BBS2: variants seen among roughly 807,000 people sequenced by gnomAD.
BBS2 encodes the protein Bardet-Biedl syndrome 2, also known as BBSome complex member BBS2.
In BBS2, 62 loss-of-function variants were observed where a neutral mutation model predicts 83.0. The observed-to-expected ratio is 0.75, with a 90% CI of 0.61 to 0.92. The LOEUF is 0.92. BBS2 is among the 40% of genes least tolerant of loss of function. The pLI is 0.00. For synonymous variants in BBS2, 303 were observed against 326.1 expected, an observed-to-expected ratio of 0.93 and a Z score of 0.76; for missense variants, 784 against 901.0, an observed-to-expected ratio of 0.87 and a Z score of 1.66.
At chr16:56,508,886 T>C (rs1187391507) in intron 5 of BBS2, among the ~76,000 whole-genome samples, 1 of 152,050 alleles carries the variant, frequency 6.6e-6, no homozygotes, top group Non-Finnish European at 1.5e-5. Flanking sequence ...TGGCCTCAAG[T>C]GATCCTCCCA....
At chr16:56,498,001 G>A in intron 13 of BBS2, 121 bp from the exon 14 acceptor site, 1 of 1,046,072 alleles carries the variant, frequency 9.6e-7, no homozygotes, top group Non-Finnish European at 1.4e-6. Context: ...TATATGCAGT[G>A]TTGAAAAAGG....
intron 17 of BBS2, chr16:56,470,812 G>T (rs13337155): frequency 3.2e-6 from 5 of 1,545,774 alleles, no homozygotes; most frequent in Admixed American, 2.1e-5. Flanking sequence ...GTTAGGATTT[G>T]TCCTTACTTA....
At chr16:56,494,568 A>G (rs1964058399) in intron 15 of BBS2, among the ~76,000 whole-genome samples, 1 of 152,176 alleles carries the variant, frequency 6.6e-6, no homozygotes, top group Non-Finnish European at 1.5e-5. Context: ...GAAACATTTC[A>G]TCATACAAGA....
rs557127115 is a variant in BBS2, at chr16:56,479,284, G to A, written c.*5477C>T. On this transcript the variant is annotated intron_variant, in intron 17 of 17. Transcript: ENST00000682047. ...GGTCAGGAGTTGGGAGACCAGCCTG[G>A]CCAACATGGTGAAACCCTATCTCTG... 3.3e-5 allele frequency among the ~76,000 whole-genome samples: 5 copies of A among 152,284 alleles called. No homozygotes were observed. The East Asian group carries it at 9.7e-4, about 29-fold the overall frequency.
intron 15 of BBS2, among the ~76,000 whole-genome samples, chr16:56,486,393 A>G (rs1963775466): frequency 6.6e-6 from 1 of 152,222 alleles, no homozygotes; most frequent in Non-Finnish European, 1.5e-5. Flanking sequence ...TCTATAAAAA[A>G]CTTGTATGCA....
At chr16:56,471,711 A>G (rs1413791876) in intron 17 of BBS2, among the ~76,000 whole-genome samples, 2 of 152,248 alleles carry the variant, frequency 1.3e-5, no homozygotes, top group Non-Finnish European at 2.9e-5. Context: ...TGAAAGCAAC[A>G]TAACTCATTC....
chr16:56,491,294 AT>A (rs1367711717), intron 15 of BBS2, among the ~76,000 whole-genome samples: 1 of 152,132 alleles, frequency 6.6e-6, no homozygotes, highest in African/African-American at 2.4e-5. Flanking sequence ...TCATGAATAG[AT>A]TAATGCCATT....
At chr16:56,501,055 A>G (rs750792953) in intron 10 of BBS2, 30 bp from the exon 11 acceptor site, 23 of 1,612,572 alleles carry the variant, frequency 1.4e-5, no homozygotes, top group Admixed American at 6.7e-5. Flanking sequence ...CAGTTTAAGA[A>G]CAACTCCAAC....
intron 1 of BBS2, 106 bp from the exon 2 acceptor site, chr16:56,514,786 G>A: frequency 1.2e-6 from 1 of 829,402 alleles, no homozygotes; most frequent in Non-Finnish European, 2.0e-6. Context: ...TTAACAAGAG[G>A]TCACTTTAAT....
chr16:56,500,727 T>C lies in BBS2; in HGVS notation c.1397+127A>G, dbSNP rs147246177. The C allele has an allele frequency of 4.5e-3, 4,215 of 934,342 alleles. 61 individuals carry two copies. Among genetic ancestry groups the C allele is most frequent in the South Asian group, 0.023 (1,486 of 64,072 alleles). 57.9% of individuals were successfully genotyped at this position (934,342 alleles called of 1,614,324 possible). On this transcript the variant is annotated intron_variant, in intron 11 of 16. Transcript: ENST00000245157. ...AGGAAATAAAAGGTCATGAGAAACT[T>C]TGGGTAGACAGAACCATTAAATGGT...
At position 56,519,726 on chromosome 16, in the gene BBS2, C is replaced by T. The variant is rs760759578; in HGVS notation, c.117+20G>A. On this transcript the variant is annotated intron_variant, in intron 1 of 16. Transcript: ENST00000245157. ...TGTGGTTCCCTGGGGCCCGGGCTCC[C>T]TGCGGGTGGGAGCGGTTACCTTGCC... 6.3e-7 allele frequency: 1 copy of T among 1,598,700 alleles called. No homozygotes were observed. Among genetic ancestry groups the T allele is most frequent in the Admixed American group, 1.7e-5 (1 of 59,912 alleles).
chr16:56,492,380 G>A (rs748400392), intron 15 of BBS2, among the ~76,000 whole-genome samples: 14 of 152,164 alleles, frequency 9.2e-5, no homozygotes, highest in Non-Finnish European at 5.9e-5. Context: ...CGAACTCTGA[G>A]GATGTTACAC....
intron 5 of BBS2, chr16:56,509,648 T>C (rs145912342): frequency 5.1e-4 from 175 of 346,476 alleles, no homozygotes; most frequent in African/African-American, 3.0e-3. Context: ...TGGCATACAA[T>C]AGGTACATAA....
chr16:56,497,809 A>G lies in BBS2; in HGVS notation c.1731T>C (p.Ile577=). The G allele has an allele frequency of 6.2e-7, 1 of 1,613,302 alleles. No individual in the cohort carries two copies. The highest frequency in any genetic ancestry group is 8.5e-7 in the Non-Finnish European group (1 of 1,179,908). ...AATCCGCTTCTACTTGAAGGTCTTC[A>G]ATAGCAAAAAATGATGCCATTGACT... ...IIQSMASFFA[I]EDLQVEADFP... The change falls in exon 14 of 17, where the codon ATT becomes ATC. Residue 577 remains isoleucine, a synonymous_variant. Coordinates refer to ENST00000245157, the MANE Select transcript of BBS2 (RefSeq NM_031885.5).
intron 14 of BBS2, 125 bp downstream of exon 14, chr16:56,497,618 C>T: frequency 7.5e-7 from 1 of 1,336,666 alleles, no homozygotes; most frequent in Non-Finnish European, 1.1e-6. Flanking sequence ...TCAATTTTTA[C>T]TTCAAGAATT....
intron 14 of BBS2, 135 bp from the exon 15 acceptor site, chr16:56,497,214 C>G (rs1261720820): frequency 2.8e-6 from 2 of 720,754 alleles, no homozygotes; most frequent in East Asian, 5.1e-5. Flanking sequence ...AAGCTACTTC[C>G]CGTTATTTCA....
downstream of BBS2, among the ~76,000 whole-genome samples, chr16:56,482,104 C>A (rs1010959481): frequency 8.5e-5 from 13 of 152,142 alleles, no homozygotes; most frequent in African/African-American, 2.9e-4. Context: ...AGCTAAAGAA[C>A]AACAGAGTGA....
At chr16:56,487,665 C>G (rs1378216402) in intron 15 of BBS2, among the ~76,000 whole-genome samples, 5 of 152,154 alleles carry the variant, frequency 3.3e-5, no homozygotes, top group African/African-American at 1.2e-4. Context: ...ATCACTGCAG[C>G]AGCATCAGTT....
intron 3 of BBS2, 69 bp from the exon 4 acceptor site, chr16:56,510,990 T>C: frequency 6.3e-7 from 1 of 1,583,658 alleles, no homozygotes; most frequent in East Asian, 2.2e-5. Flanking sequence ...ATTAGCTACA[T>C]GAAGGAGAGG....
Sources: allele counts gnomAD v4.1 joint callset (sites outside exome capture counted in the v4.1 genomes callset), GRCh38; gene constraint gnomAD v4.1.1; transcripts MANE v1.5; gene names NCBI Gene and HGNC (gene_info 2026-07-23, HGNC 2026-07-21).